Variants in PIKFYVE observed in about 807,000 individuals in gnomAD.
PIKFYVE encodes the protein phosphoinositide kinase, FYVE-type zinc finger containing.
PIKFYVE carries 122 observed loss-of-function variants against 257.9 expected under a neutral mutation model. The observed-to-expected ratio is 0.47, with a 90% CI of 0.41 to 0.55. PIKFYVE has a LOEUF of 0.55. Ranked by LOEUF, PIKFYVE falls within the 20% of genes least tolerant of loss-of-function variation. PIKFYVE has a pLI of 0.00. For missense variants in PIKFYVE, 2,160 were observed against 2,536.6 expected (o/e 0.85, Z 3.19); for synonymous variants, 892 against 868.9 (o/e 1.03, Z -0.47).
chr2:208,313,748 A>T (rs568883216), intron 13 of PIKFYVE, among the ~76,000 whole-genome samples: 9 of 152,072 alleles, frequency 5.9e-5, no homozygotes, highest in Non-Finnish European at 7.4e-5. Flanking sequence ...ACGCCCAGCT[A>T]ATTTTTGTGT....
At position 208,353,917 on chromosome 2, in the gene PIKFYVE, C is replaced by T; in HGVS notation, c.5864C>T (p.Ser1955Phe). The T allele has an allele frequency of 6.2e-7, 1 of 1,613,780 alleles. No individual in the cohort carries two copies. Among genetic ancestry groups the T allele is most frequent in the Non-Finnish European group, 8.5e-7 (1 of 1,179,898 alleles). ...TACTAGGTTTTTGATTTGAAGGGCTCTCTTAGGAATCGGAATGTAAAAACT... is the reference window on the plus strand; with the variant it reads ...TACTAGGTTTTTGATTTGAAGGGCTTTCTTAGGAATCGGAATGTAAAAACT... ...KMAQVFDLKG[S>F]LRNRNVKTDT... Residue 1955 changes from serine to phenylalanine, a missense_variant, in exon 40 of 42, where the codon TCT (serine) becomes TTT (phenylalanine). Physicochemically the swap from Ser to Phe is radical, Grantham distance 155. This residue lies in a region of PIKFYVE where 699 missense variants were observed against 855.8 expected (regional missense o/e 0.82). Transcript: ENST00000264380.
Position 208,358,641 on chromosome 2 carries a change from G to C in PIKFYVE, c.*3336G>C, listed in dbSNP as rs1445451141. ...TATATATTTCTCTACTTTGGTTCTA[G>C]CTATTTTATATGATTGACATGTTAT... On this transcript the variant is annotated 3_prime_UTR_variant, in exon 42 of 42. Coordinates refer to ENST00000264380, the MANE Select transcript of PIKFYVE (RefSeq NM_015040.4). 2 of 152,502 alleles carry C rather than the reference G, an allele frequency of 1.3e-5. No individual in the cohort carries two copies. Among genetic ancestry groups the C allele is most frequent in the Non-Finnish European group, 2.9e-5 (2 of 68,024 alleles). The allele number at this position is 152,502 out of a possible 1,614,324, so 9.4% of individuals were successfully genotyped here. A position where few individuals can be genotyped will look rare whatever the true frequency, so the allele number is the denominator to read the frequency against.
At chr2:208,308,793 C>A (rs377245780) in intron 12 of PIKFYVE, among the ~76,000 whole-genome samples, 1 of 151,710 alleles carries the variant, frequency 6.6e-6, no homozygotes, top group African/African-American at 2.4e-5. Flanking sequence ...CTGCAACCTC[C>A]GCCTTCCGGG....
chr2:208,273,492 T>C, intron 2 of PIKFYVE, 92 bp from the exon 3 acceptor site: 1 of 1,468,474 alleles, frequency 6.8e-7, no homozygotes. Flanking sequence ...ATATAATACA[T>C]GCATACATTG....
intron 35 of PIKFYVE, among the ~76,000 whole-genome samples, chr2:208,349,666 CATT>C (rs984469170): frequency 1.3e-5 from 2 of 151,624 alleles, no homozygotes; most frequent in Non-Finnish European, 2.9e-5. Context: ...ATTGGGGAAA[CATT>C]ATTCTACACA....
intron 7 of PIKFYVE, among the ~76,000 whole-genome samples, chr2:208,293,947 T>C (rs913543190): frequency 6.6e-6 from 1 of 152,242 alleles, no homozygotes; most frequent in Admixed American, 6.5e-5. Flanking sequence ...CCTGGACCTG[T>C]GGCTTGGCAT....
chr2:208,325,457 A>G lies in PIKFYVE; in HGVS notation c.2646A>G (p.Thr882=), dbSNP rs748517656. 6 of 1,614,172 alleles carry G rather than the reference A, an allele frequency of 3.7e-6. No individual in the cohort carries two copies. Among genetic ancestry groups the G allele is most frequent in the Non-Finnish European group, 4.2e-6 (5 of 1,180,020 alleles). ...TGGATGAATTTGCTATGCCTCCCAC[A>G]TTAATGCAAAACCCTTCATTCCATT... ...FLMDEFAMPP[T]LMQNPSFHSL... is the part of the protein sequence containing the mutation. Residue 882 remains threonine (T), a synonymous_variant, in exon 20 of 42, where the codon ACA becomes ACG. Transcript: ENST00000264380.
At chr2:208,316,643 G>T (rs895801208) in intron 15 of PIKFYVE, among the ~76,000 whole-genome samples, 1 of 152,032 alleles carries the variant, frequency 6.6e-6, no homozygotes, top group Non-Finnish European at 1.5e-5. Context: ...TTTAAAGTTC[G>T]TATGGAACCA....
chr2:208,336,257 A>G (rs1020840176), intron 27 of PIKFYVE, 57 bp downstream of exon 27: 1 of 1,597,466 alleles, frequency 6.3e-7, no homozygotes, highest in Non-Finnish European at 8.6e-7. Context: ...TTCTAATGTG[A>G]TATCTTAAAA....
rs1574531077 is a variant in PIKFYVE, at chr2:208,304,306, G to A, written c.1456G>A (p.Asp486Asn). The A allele has an allele frequency of 1.9e-6, 3 of 1,614,072 alleles. No individual in the cohort carries two copies. Among genetic ancestry groups the A allele is most frequent in the Non-Finnish European group, 2.5e-6 (3 of 1,179,980 alleles). The change falls in exon 11 of 42, where the codon GAT becomes AAT. Residue 486 changes from aspartate to asparagine, a missense_variant. Physicochemically the swap from Asp to Asn is conservative, Grantham distance 23. Transcript: ENST00000264380. ...DTEQIAEEGD[D>N]NLANSASPSK... ...AGAACAGATAGCTGAAGAAGGTGAC[G>A]ATAATTTGGCTAGTGAGTTTAACTT... is the stretch of plus-strand genomic sequence containing the variant.
Position 208,305,022 on chromosome 2 carries a change from T to C in PIKFYVE, c.1636+9T>C, listed in dbSNP as rs1694154786. 1 of 1,613,882 alleles carries C rather than the reference T, an allele frequency of 6.2e-7. No homozygotes were observed. The highest frequency in any genetic ancestry group is 8.5e-7 in the Non-Finnish European group (1 of 1,179,958). ...CCCTGCTGACCAAAAAGGTAGGAGGTAGTCACCATCTGGAATCCAAACACA... is the reference window on the plus strand; with the variant it reads ...CCCTGCTGACCAAAAAGGTAGGAGGCAGTCACCATCTGGAATCCAAACACA... On this transcript the variant is annotated intron_variant, in intron 12 of 41. Coordinates refer to ENST00000264380, the MANE Select transcript of PIKFYVE (RefSeq NM_015040.4).
At chr2:208,335,511 A>C in intron 25 of PIKFYVE, 92 bp downstream of exon 25, 1 of 1,113,172 alleles carries the variant, frequency 9.0e-7, no homozygotes, top group Non-Finnish European at 1.3e-6. Context: ...TGAAAATGTA[A>C]ATTTTCTAAT....
intron 10 of PIKFYVE, among the ~76,000 whole-genome samples, chr2:208,303,869 T>C (rs1694017588): frequency 6.6e-6 from 1 of 152,216 alleles, no homozygotes; most frequent in Non-Finnish European, 1.5e-5. Flanking sequence ...AAATAAATTC[T>C]AAGCTATCTT....
At position 208,347,971 on chromosome 2, in the gene PIKFYVE, G is replaced by C. The variant is rs146673873; in HGVS notation, c.5322G>C (p.Gln1774His). The stretch of plus-strand genomic sequence containing the variant: ...GTGGAGCAGATAGTGCTTACTACCA[G>C]GTTGGGCAGACGGGCAAGGAGGGGA... ...TLRGADSAYY[Q>H]VGQTGKEGTE... The change falls in exon 35 of 42, where the codon CAG becomes CAC. Residue 1774 changes from glutamine to histidine, a missense_variant. Coordinates refer to ENST00000264380, the MANE Select transcript of PIKFYVE (RefSeq NM_015040.4). The C allele has an allele frequency of 1.8e-4, 283 of 1,614,144 alleles. 3 individuals are homozygous for C. The highest frequency in any genetic ancestry group is 1.7e-4 in the Admixed American group (10 of 60,014).
In PIKFYVE at chr2:208,336,925, C is replaced by T. The variant is rs1233977073; in HGVS notation, c.4608C>T (p.Ser1536=). The T allele has an allele frequency of 6.2e-7, 1 of 1,605,842 alleles. No individual in the cohort carries two copies. The highest frequency in any genetic ancestry group is 1.7e-5 in the Admixed American group (1 of 59,946). The part of the protein sequence containing the change: ...SPGRLRQGEE[S]KISAMDASPR... ...GAAGACTGAGACAAGGGGAAGAAAG[C>T]AAGGTATGAAATGTAGTCTTGTCTT... is the stretch of plus-strand genomic sequence containing the variant. The change falls in exon 28 of 42, where the codon AGC becomes AGT. Residue 1536 remains serine (S), a synonymous_variant. Coordinates refer to ENST00000264380, the MANE Select transcript of PIKFYVE (RefSeq NM_015040.4).
At chr2:208,353,503 T>G (rs925310320) in intron 39 of PIKFYVE, among the ~76,000 whole-genome samples, 1 of 151,568 alleles carries the variant, frequency 6.6e-6, no homozygotes, top group African/African-American at 2.4e-5. Flanking sequence ...GTCCAGAGTT[T>G]GGTATCAAAA....
Position 208,349,978 on chromosome 2 carries a change from T to A in PIKFYVE, c.5375-46T>A, listed in dbSNP as rs754552960. 3.7e-6 allele frequency: 6 copies of A among 1,607,398 alleles called. No homozygotes were observed. In the East Asian group the frequency reaches 1.3e-4, roughly 36 times the overall value. On this transcript the variant is annotated intron_variant, in intron 35 of 41. Transcript: ENST00000264380. ...AAAAGGAAAGGACAAAATGAACTGA[T>A]AATTACTCAAAACCTTGGCTTTACT...
chr2:208,347,409 G>A (rs1449633654), intron 34 of PIKFYVE, among the ~76,000 whole-genome samples: 1 of 152,142 alleles, frequency 6.6e-6, no homozygotes, highest in Admixed American at 6.6e-5. Context: ...GAACACAAAT[G>A]ACACAAAGAT....
chr2:208,338,357 G>A, intron 28 of PIKFYVE, 151 bp from the exon 29 acceptor site: 2 of 608,000 alleles, frequency 3.3e-6, no homozygotes, highest in Non-Finnish European at 5.7e-6. Flanking sequence ...GTAAACAAAA[G>A]CTAATTAAAA....
Sources: allele counts gnomAD v4.1 joint callset (sites outside exome capture counted in the v4.1 genomes callset), GRCh38; gene constraint gnomAD v4.1.1; regional missense constraint gnomAD v4.1.1; transcripts MANE v1.5; gene names NCBI Gene and HGNC (gene_info 2026-07-23, HGNC 2026-07-21).